Variants in TRDN observed in about 807,000 individuals in gnomAD.
TRDN encodes the protein triadin, also known as triadin in skeletal muscle.
In TRDN, 161 loss-of-function variants were observed where a neutral mutation model predicts 149.7. The observed-to-expected ratio is 1.08, with a 90% confidence interval of 0.95 to 1.23. The LOEUF (loss-of-function observed/expected upper bound fraction) is 1.23, where lower values mean the gene tolerates loss of function less well. TRDN is among the 50% of genes most tolerant of loss of function. The pLI, the probability that TRDN is intolerant of heterozygous loss-of-function variation, is 0.00. For synonymous variants in TRDN, 294 were observed against 250.5 expected (o/e 1.17, Z -1.64); for missense variants, 896 against 823.5 (o/e 1.09, Z -1.08).
chr6:123,484,214 A>G (rs1008330828), intron 9 of TRDN, among the ~76,000 whole-genome samples: 1 of 152,176 alleles, frequency 6.6e-6, no homozygotes, highest in Admixed American at 6.5e-5. Context: ...CCAATTATTT[A>G]TATCAAAATT....
chr6:123,370,695 G>C (rs116782895), intron 19 of TRDN, among the ~76,000 whole-genome samples: 2 of 152,030 alleles, frequency 1.3e-5, no homozygotes, highest in East Asian at 3.9e-4. Flanking sequence ...CTTTTGCTCC[G>C]TATCACTACC....
chr6:123,580,784 C>T (rs777831909), intron 1 of TRDN, among the ~76,000 whole-genome samples: 2 of 152,208 alleles, frequency 1.3e-5, no homozygotes, highest in Non-Finnish European at 2.9e-5. Context: ...GCCTCAACCT[C>T]TCTACTTTGG....
chr6:123,270,861 T>C (rs1011009794), intron 30 of TRDN, among the ~76,000 whole-genome samples: 1 of 152,048 alleles, frequency 6.6e-6, no homozygotes, highest in Non-Finnish European at 1.5e-5. Context: ...TGGTAATCAA[T>C]GCATTATATA....
In TRDN at chr6:123,612,450, C is replaced by A. The variant is rs1409652810; in HGVS notation, c.22+24304G>T. ...AAAAAAGGAAATAAGAACAGCAATC[C>A]AAAAAAAAAAATTATCTGGGCATGG... On this transcript the variant is annotated intron_variant, in intron 1 of 40. Transcript: ENST00000334268. Among the ~76,000 whole-genome samples the A allele has an allele frequency of 6.9e-5, 10 of 144,864 alleles. No individual in the cohort carries two copies. In the East Asian group the frequency reaches 2.0e-3, roughly 29 times the overall value.
At chr6:123,380,357 C>A (rs1004094782) in intron 16 of TRDN, among the ~76,000 whole-genome samples, 6 of 152,166 alleles carry the variant, frequency 3.9e-5, no homozygotes, top group African/African-American at 1.4e-4. Flanking sequence ...TTTCGAATCT[C>A]CAGTTGTTCT....
intron 4 of TRDN, among the ~76,000 whole-genome samples, chr6:123,531,024 A>C (rs1780229703): frequency 6.6e-6 from 1 of 151,984 alleles, no homozygotes; most frequent in Non-Finnish European, 1.5e-5. Context: ...TATTGACTCT[A>C]AGCTATGTTT....
chr6:123,303,786 T>G (rs1453588287), intron 24 of TRDN, among the ~76,000 whole-genome samples: 2 of 152,152 alleles, frequency 1.3e-5, no homozygotes, highest in African/African-American at 2.4e-5. Flanking sequence ...CCTAGCACTG[T>G]TCCCTACAGA....
chr6:123,428,840 T>C (rs565043688), intron 12 of TRDN, among the ~76,000 whole-genome samples: 1 of 152,268 alleles, frequency 6.6e-6, no homozygotes, highest in South Asian at 2.1e-4. Flanking sequence ...TACTTATTTG[T>C]TTGCTGAAGT....
chr6:123,612,195 G>T (rs1784850986), intron 1 of TRDN, among the ~76,000 whole-genome samples: 1 of 134,132 alleles, frequency 7.5e-6, no homozygotes, highest in Non-Finnish European at 1.5e-5. Flanking sequence ...AGGAGTTCGA[G>T]ACCAGCCTGG....
intron 20 of TRDN, among the ~76,000 whole-genome samples, chr6:123,364,455 G>A (rs1469443909): frequency 6.6e-6 from 1 of 152,168 alleles, no homozygotes; most frequent in Non-Finnish European, 1.5e-5. Flanking sequence ...TGGCCAACAT[G>A]GTGAAACCCT....
chr6:123,403,074 G>A (rs1013935450), intron 12 of TRDN, among the ~76,000 whole-genome samples: 10 of 152,234 alleles, frequency 6.6e-5, no homozygotes, highest in African/African-American at 9.6e-5. Context: ...AATTAAGAGC[G>A]TGAACAATTT....
At position 123,447,103 on chromosome 6, in the gene TRDN, A is replaced by AT. The variant is rs796568552; in HGVS notation, c.932-8101dup. On this transcript the variant is annotated intron_variant, in intron 10 of 40. Transcript: ENST00000334268. Reference sequence around the variant, plus strand: ...AGCTGGCCTTTCAGGCTCTGAATCCATTTTTTTTTTTGCCTTGACTTTTCT... The same window carrying AT: ...AGCTGGCCTTTCAGGCTCTGAATCCATTTTTTTTTTTTGCCTTGACTTTTCT... Among the ~76,000 whole-genome samples, 925 of 145,996 alleles carry AT rather than the reference A, an allele frequency of 6.3e-3. 10 individuals carry two copies. The highest frequency in any genetic ancestry group is 0.02 in the African/African-American group (807 of 39,948).
intron 2 of TRDN, among the ~76,000 whole-genome samples, chr6:123,554,169 C>G (rs1781533073): frequency 6.6e-6 from 1 of 151,926 alleles, no homozygotes. Flanking sequence ...ATATTTGGAA[C>G]TAAATTGAGG....
chr6:123,607,851 CTTTT>C (rs558952808), intron 1 of TRDN, among the ~76,000 whole-genome samples: 1 of 130,512 alleles, frequency 7.7e-6, no homozygotes, highest in African/African-American at 2.7e-5. Flanking sequence ...CTCTTTTAGT[CTTTT>C]TTTTTTTTTT....
chr6:123,499,719 AATAT>A (rs71272328), intron 8 of TRDN, among the ~76,000 whole-genome samples: 7 of 47,682 alleles, frequency 1.5e-4, no homozygotes, highest in Admixed American at 3.0e-4. Context: ...AAAAAAAAAA[AATAT>A]ATATATATAT....
chr6:123,464,893 A>G lies in TRDN; in HGVS notation c.931+13T>C. The G allele has an allele frequency of 6.4e-7, 1 of 1,565,550 alleles. No individual in the cohort carries two copies. Among genetic ancestry groups the G allele is most frequent in the South Asian group, 1.2e-5 (1 of 84,904 alleles). On this transcript the variant is annotated intron_variant, in intron 10 of 40. Transcript: ENST00000334268. ...CTACAATAGAGATCTTTAAGAAAAA[A>G]AAAAGTACTTGCCTTCAAGGGCAGG... is the stretch of plus-strand genomic sequence containing the variant.
At chr6:123,466,304 A>G (rs1182678929) in intron 9 of TRDN, among the ~76,000 whole-genome samples, 3 of 152,216 alleles carry the variant, frequency 2.0e-5, no homozygotes, top group East Asian at 3.9e-4. Flanking sequence ...GCTAACAATT[A>G]CATAGTGTTT....
At chr6:123,341,747 A>T (rs1582894149) in intron 21 of TRDN, among the ~76,000 whole-genome samples, 1 of 152,000 alleles carries the variant, frequency 6.6e-6, no homozygotes, top group Non-Finnish European at 1.5e-5. Flanking sequence ...CAAAAGCATC[A>T]ACTAGAAAAT....
chr6:123,287,090 A>G (rs578126633), intron 24 of TRDN, among the ~76,000 whole-genome samples: 4 of 152,204 alleles, frequency 2.6e-5, no homozygotes, highest in Non-Finnish European at 4.4e-5. Flanking sequence ...AGAAGCACAG[A>G]AAGAGTGCAA....
Sources: allele counts gnomAD v4.1 joint callset (sites outside exome capture counted in the v4.1 genomes callset), GRCh38; gene constraint gnomAD v4.1.1; transcripts MANE v1.5; gene names NCBI Gene and HGNC (gene_info 2026-07-23, HGNC 2026-07-21).